Variants in C12orf54 observed in about 807,000 individuals in gnomAD.
C12orf54 encodes uncharacterized protein C12orf54.
C12orf54 carries 24 observed loss-of-function variants against 26.4 expected under a neutral mutation model. The ratio of observed to expected loss-of-function variants is 0.91; its 90% CI spans 0.66 to 1.28. The LOEUF (loss-of-function observed/expected upper bound fraction) is 1.28. C12orf54 is among the 50% of genes most tolerant of loss of function. The pLI is 0.00. For missense variants in C12orf54, 154 were observed against 150.9 expected (o/e 1.02, Z -0.11); for synonymous variants, 54 against 47.0 (o/e 1.15, Z -0.61).
At chr12:48,455,182 A>G in the C12orf54 span, among the ~76,000 whole-genome samples, 7 of 152,114 alleles carry the variant, frequency 4.6e-5, no homozygotes, top group African/African-American at 1.7e-4. Context: ...CCACTTATAA[A>G]TAAGAACATG....
At chr12:48,483,200 T>C in intron 1 of C12orf54, 40 bp from the exon 2 acceptor site, 1 of 1,057,332 alleles carries the variant, frequency 9.5e-7, no homozygotes, top group Non-Finnish European at 1.4e-6. Context: ...CTTCTCACCA[T>C]GTACCTGCCT....
chr12:48,423,806 C>T, the C12orf54 span, among the ~76,000 whole-genome samples: 1 of 152,012 alleles, frequency 6.6e-6, no homozygotes, highest in African/African-American at 2.4e-5. Context: ...GAGTGCTACT[C>T]TTTTCATTTC....
Position 48,483,530 on chromosome 12 carries a change from A to T in C12orf54, c.65+169A>T, listed in dbSNP as rs541061408. ...CCCTCTTCTCCATCTCCTTAATGAA[A>T]GAGATAATAGCAAATCTTTGTCATT... is the stretch of plus-strand genomic sequence containing the variant. On this transcript the variant is annotated intron_variant, in intron 2 of 8. Coordinates refer to ENST00000548364, the MANE Select transcript of C12orf54 (RefSeq NM_152319.4). 4.6e-5 allele frequency: 27 copies of T among 582,534 alleles called. No homozygotes were observed. In the East Asian group the frequency reaches 5.6e-4, roughly 12 times the overall value. The allele number at this position is 582,534 out of a possible 1,614,324, so 36.1% of individuals were successfully genotyped here. A position where few individuals can be genotyped will look rare whatever the true frequency, so the allele number is the denominator to read the frequency against.
the C12orf54 span, among the ~76,000 whole-genome samples, chr12:48,448,612 G>T: frequency 5.3e-5 from 8 of 152,196 alleles, no homozygotes; most frequent in African/African-American, 1.9e-4. Flanking sequence ...ATAATAACAA[G>T]CCCTTTTTCT....
At chr12:48,477,390 A>T in the C12orf54 span, among the ~76,000 whole-genome samples, 5 of 152,092 alleles carry the variant, frequency 3.3e-5, no homozygotes, top group African/African-American at 9.7e-5. Context: ...AAGAAATAAC[A>T]AAGATCAGAG....
the C12orf54 span, among the ~76,000 whole-genome samples, chr12:48,443,263 T>G: frequency 2.0e-5 from 3 of 152,154 alleles, no homozygotes; most frequent in African/African-American, 7.2e-5. Context: ...TTGCTAATGA[T>G]CTAATAGGGA....
At chr12:48,448,547 G>T in the C12orf54 span, among the ~76,000 whole-genome samples, 1 of 152,158 alleles carries the variant, frequency 6.6e-6, no homozygotes, top group Non-Finnish European at 1.5e-5. Flanking sequence ...AACATGTTTT[G>T]GTTTATCTGC....
chr12:48,458,733 C>CTT, the C12orf54 span, among the ~76,000 whole-genome samples: 19,646 of 146,800 alleles, frequency 0.13, 2,218 homozygotes, highest in East Asian at 0.64. Context: ...CTTGATTGTT[C>CTT]TTTTTTTTTT....
the C12orf54 span, among the ~76,000 whole-genome samples, chr12:48,440,194 C>T: frequency 6.6e-6 from 1 of 150,986 alleles, no homozygotes; most frequent in Non-Finnish European, 1.5e-5. Context: ...CACTGCACTC[C>T]AGCCTGGGTG....
intron 7 of C12orf54, among the ~76,000 whole-genome samples, chr12:48,493,673 T>TAAAGAAAATTAATGAAAGTTAATTTTCAA (rs138161101): frequency 0.27 from 35,870 of 134,792 alleles, 4,889 homozygotes; most frequent in Non-Finnish European, 0.3. Flanking sequence ...AAGAAAGTTA[T>TAAAGAAAATTAATGAAAGTTAATTTTCAA]AAAGAAAATT....
the C12orf54 span, among the ~76,000 whole-genome samples, chr12:48,418,109 C>T: frequency 6.6e-6 from 1 of 152,176 alleles, no homozygotes; most frequent in South Asian, 2.1e-4. Flanking sequence ...TGATTGAAGC[C>T]ATGAATTTAT....
chr12:48,434,523 G>C, the C12orf54 span, among the ~76,000 whole-genome samples: 1 of 152,180 alleles, frequency 6.6e-6, no homozygotes, highest in Non-Finnish European at 1.5e-5. Context: ...AGTAGGAGGG[G>C]ACTGACACCT....
At chr12:48,438,756 C>T in the C12orf54 span, among the ~76,000 whole-genome samples, 2,187 of 152,082 alleles carry the variant, frequency 0.014, 56 homozygotes, top group African/African-American at 0.049. Flanking sequence ...AAATTAATTC[C>T]AGATGGATTA....
At chr12:48,413,535 T>G in the C12orf54 span, among the ~76,000 whole-genome samples, 1 of 152,066 alleles carries the variant, frequency 6.6e-6, no homozygotes, top group Non-Finnish European at 1.5e-5. Flanking sequence ...TTTTGAAGAG[T>G]GTCTTGAAGT....
chr12:48,475,700 A>G, the C12orf54 span, among the ~76,000 whole-genome samples: 1 of 152,208 alleles, frequency 6.6e-6, no homozygotes, highest in Non-Finnish European at 1.5e-5. Context: ...TAGAGAAACA[A>G]GAATAAAAAG....
chr12:48,435,573 C>T, the C12orf54 span, among the ~76,000 whole-genome samples: 7 of 152,340 alleles, frequency 4.6e-5, no homozygotes, highest in East Asian at 1.2e-3. Context: ...TCGGCAGAAA[C>T]TCTACAAGCC....
chr12:48,473,292 A>G, the C12orf54 span: 3 of 1,106,548 alleles, frequency 2.7e-6, no homozygotes, highest in East Asian at 7.6e-5. Context: ...CGAGGAGGAG[A>G]AGGATGAAGG....
chr12:48,458,763 C>A, the C12orf54 span, among the ~76,000 whole-genome samples: 1 of 151,398 alleles, frequency 6.6e-6, no homozygotes, highest in Non-Finnish European at 1.5e-5. Flanking sequence ...AACCTCATAC[C>A]TCATCCTGAT....
At chr12:48,472,970 C>T in the C12orf54 span, 6 of 1,614,134 alleles carry the variant, frequency 3.7e-6, no homozygotes, top group Admixed American at 5.0e-5. Flanking sequence ...AAATTAAAGA[C>T]CTCAGCACAA....
Sources: allele counts gnomAD v4.1 joint callset (sites outside exome capture counted in the v4.1 genomes callset), GRCh38; gene constraint gnomAD v4.1.1; transcripts MANE v1.5; gene names NCBI Gene and HGNC (gene_info 2026-07-23, HGNC 2026-07-21).